Variants in XPA observed in about 807,000 individuals in gnomAD.
XPA encodes the protein XPA, DNA damage recognition and repair factor.
In XPA, 27 loss-of-function variants were observed where a neutral mutation model predicts 35.7. That is an observed-to-expected ratio of 0.76 (90% confidence interval 0.56 to 1.04). XPA has a LOEUF of 1.04. Among genes scored for constraint, XPA ranks in the 50% least tolerant of loss-of-function variants. XPA has a pLI of 0.00. For synonymous variants in XPA, 133 were observed against 118.4 expected (o/e 1.12, Z -0.80); for missense variants, 354 against 342.7 (o/e 1.03, Z -0.26).
chr9:97,665,865 A>G, the XPA span, among the ~76,000 whole-genome samples: 1 of 151,378 alleles, frequency 6.6e-6, no homozygotes, highest in Admixed American at 6.6e-5. Flanking sequence ...GTAGTCAATT[A>G]ACACATATTT....
chr9:97,676,193 G>C (rs1587736759), intron 5 of XPA, among the ~76,000 whole-genome samples: 1 of 152,188 alleles, frequency 6.6e-6, no homozygotes, highest in Admixed American at 6.5e-5. Flanking sequence ...AGAATGTTAA[G>C]AGCTGGAAAG....
At chr9:97,675,958 A>T in intron 5 of XPA, 1 of 237,788 alleles carries the variant, frequency 4.2e-6, no homozygotes, top group Non-Finnish European at 8.3e-6. Flanking sequence ...AAAAGGAGTC[A>T]GCTGAAATAA....
intron 2 of XPA, 43 bp from the exon 3 acceptor site, chr9:97,689,682 A>G (rs747440812): frequency 1.1e-5 from 13 of 1,148,704 alleles, no homozygotes; most frequent in African/African-American, 9.2e-5. Flanking sequence ...TTTTATGACT[A>G]GAACAATATA....
At chr9:97,693,482 G>GT (rs1587752142) in intron 2 of XPA, among the ~76,000 whole-genome samples, 167 bp downstream of exon 2, 1 of 151,882 alleles carries the variant, frequency 6.6e-6, no homozygotes, top group African/African-American at 2.4e-5. Flanking sequence ...TTCTTTGATT[G>GT]TTTTTTTAAT....
the XPA span, among the ~76,000 whole-genome samples, chr9:97,669,190 G>C: frequency 4.6e-5 from 7 of 151,544 alleles, no homozygotes; most frequent in South Asian, 1.3e-3. Flanking sequence ...TCTCGCATGA[G>C]CATTTCTCCA....
Position 97,693,633 on chromosome 9 carries a change from GA to G in XPA, c.283+15del. 1.9e-6 allele frequency: 3 copies of G among 1,610,606 alleles called. No homozygotes were observed. The highest frequency in any genetic ancestry group is 2.5e-6 in the Non-Finnish European group (3 of 1,177,892). On this transcript the variant is annotated intron_variant, in intron 2 of 5. Transcript: ENST00000375128. ...ATAACCAATCTAGATACTTATTTTT[GA>G]AAAACTCACTTTACCTGGTTGATGA...
intron 5 of XPA, among the ~76,000 whole-genome samples, chr9:97,678,680 C>G (rs1156361983): frequency 1.3e-5 from 2 of 152,182 alleles, no homozygotes; most frequent in African/African-American, 4.8e-5. Context: ...TTCTAGCAAG[C>G]ACCATCAATG....
chr9:97,680,520 C>T (rs1828507288), intron 5 of XPA, among the ~76,000 whole-genome samples: 1 of 152,154 alleles, frequency 6.6e-6, no homozygotes, highest in African/African-American at 2.4e-5. Context: ...GCCACTGCTC[C>T]CAGTCGAATG....
At chr9:97,670,035 G>A, downstream of XPA, 1 of 372,298 alleles carries the variant, frequency 2.7e-6, no homozygotes, top group East Asian at 6.6e-5. Flanking sequence ...CAATTCTTCT[G>A]CCTCAGCCTC....
chr9:97,684,330 C>T (rs1183394675), intron 5 of XPA, among the ~76,000 whole-genome samples: 2 of 152,024 alleles, frequency 1.3e-5, no homozygotes, highest in East Asian at 3.9e-4. Flanking sequence ...ATTAATGCAG[C>T]GATAGATGGA....
the XPA span, chr9:97,669,868 C>T: frequency 1.4e-6 from 1 of 700,008 alleles, no homozygotes; most frequent in Non-Finnish European, 2.6e-6. Flanking sequence ...AATATTTAGG[C>T]TTAAACTGAT....
At chr9:97,674,091 G>T (rs550232840), downstream of XPA, among the ~76,000 whole-genome samples, 2 of 152,270 alleles carry the variant, frequency 1.3e-5, no homozygotes, top group African/African-American at 2.4e-5. Flanking sequence ...TCCACAGCTA[G>T]TAAGTGGAAT....
intron 4 of XPA, among the ~76,000 whole-genome samples, chr9:97,685,571 TTTACA>T (rs1482462445): frequency 1.3e-5 from 2 of 152,210 alleles, no homozygotes; most frequent in South Asian, 2.1e-4. Flanking sequence ...CTTTTAAAAC[TTTACA>T]TTATATACCT....
chr9:97,689,656 G>T lies in XPA; in HGVS notation c.284-17C>A. The T allele has an allele frequency of 1.3e-6, 2 of 1,485,146 alleles. No individual in the cohort carries two copies. Among genetic ancestry groups the T allele is most frequent in the Non-Finnish European group, 1.9e-6 (2 of 1,065,202 alleles). The allele number at this position is 1,485,146 out of a possible 1,614,324, so 92.0% of individuals were successfully genotyped here. ...TAACAGGTCCTAAGAAAAGGAAAATGAACTCTAGTTTCCTTTTTTATGACT... is the reference window on the plus strand; with the variant it reads ...TAACAGGTCCTAAGAAAAGGAAAATTAACTCTAGTTTCCTTTTTTATGACT... On this transcript the variant is annotated splice_polypyrimidine_tract_variant and intron_variant, in intron 2 of 5. Transcript: ENST00000375128.
the XPA span, chr9:97,662,861 T>G: frequency 8.9e-6 from 8 of 903,196 alleles, no homozygotes; most frequent in African/African-American, 1.3e-4. Flanking sequence ...ATATATTGCA[T>G]TATAAATTGA....
At chr9:97,693,073 A>T (rs1447610007) in intron 2 of XPA, among the ~76,000 whole-genome samples, 1 of 138,240 alleles carries the variant, frequency 7.2e-6, no homozygotes, top group Non-Finnish European at 1.7e-5. Context: ...TTTTAATAAA[A>T]AGCTGTTATA....
chr9:97,674,156 T>TA (rs144398401), downstream of XPA, among the ~76,000 whole-genome samples: 34 of 151,562 alleles, frequency 2.2e-4, no homozygotes, highest in East Asian at 5.3e-3. Flanking sequence ...ATAATGCTCT[T>TA]ACAACAACCT....
chr9:97,696,180 C>T (rs568038794), intron 1 of XPA, among the ~76,000 whole-genome samples: 1 of 152,358 alleles, frequency 6.6e-6, no homozygotes, highest in East Asian at 1.9e-4. Context: ...TTCTCACTCT[C>T]ACTACATCTG....
chr9:97,697,099 A>G, intron 1 of XPA, 22 bp downstream of exon 1: 1 of 1,523,650 alleles, frequency 6.6e-7, no homozygotes, highest in African/African-American at 1.4e-5. Context: ...AGGGAAGGGG[A>G]AAGCGCGGAC....
Sources: gnomAD v4.1 joint callset for allele counts (sites outside exome capture counted in the v4.1 genomes callset) on GRCh38, gnomAD v4.1.1 for gene constraint, MANE v1.5 for transcripts, NCBI Gene and HGNC (gene_info 2026-07-23, HGNC 2026-07-21) for gene names.